ELP1: variants seen among roughly 807,000 people sequenced by gnomAD.
ELP1 encodes the protein elongator complex protein 1.
In ELP1, 131 loss-of-function variants were observed where a neutral mutation model predicts 183.2. That is an observed-to-expected ratio of 0.72 (90% CI 0.62 to 0.83). ELP1 has a LOEUF of 0.83. Ranked by LOEUF, ELP1 falls within the 40% of genes least tolerant of loss-of-function variation. ELP1 has a pLI of 0.00. For missense variants in ELP1, 1,550 were observed against 1,594.9 expected (o/e 0.97, Z 0.48); for synonymous variants, 555 against 569.0 (o/e 0.98, Z 0.35).
chr9:108,877,011 G>A (rs1436786990), intron 35 of ELP1, among the ~76,000 whole-genome samples: 2 of 152,100 alleles, frequency 1.3e-5, no homozygotes, highest in East Asian at 1.9e-4. Flanking sequence ...GATTACAGGC[G>A]TGAGCCACCA....
chr9:108,895,944 C>T (rs1828528441), intron 25 of ELP1, among the ~76,000 whole-genome samples: 1 of 152,178 alleles, frequency 6.6e-6, no homozygotes, highest in South Asian at 2.1e-4. Context: ...CACACATATG[C>T]CCATCATCTT....
intron 36 of ELP1, among the ~76,000 whole-genome samples, chr9:108,873,780 G>A (rs1238583325): frequency 6.6e-6 from 1 of 152,170 alleles, no homozygotes; most frequent in African/African-American, 2.4e-5. Context: ...CAGCACTTTG[G>A]GAGGCCGAGG....
At chr9:108,916,147 G>A in intron 10 of ELP1, 57 bp downstream of exon 10, 1 of 1,279,746 alleles carries the variant, frequency 7.8e-7, no homozygotes, top group Non-Finnish European at 1.1e-6. Context: ...TCCCATACCT[G>A]TCTACTTTCA....
intron 4 of ELP1, among the ~76,000 whole-genome samples, 176 bp downstream of exon 4, chr9:108,927,196 G>A (rs113214557): frequency 2.1e-3 from 324 of 151,940 alleles, no homozygotes; most frequent in African/African-American, 7.5e-3. Flanking sequence ...ATCACTCTAC[G>A]TTTTATATAT....
chr9:108,883,490 T>A (rs2131955007), intron 29 of ELP1, among the ~76,000 whole-genome samples: 1 of 151,886 alleles, frequency 6.6e-6, no homozygotes, highest in Non-Finnish European at 1.5e-5. Context: ...CAGTTTTAGC[T>A]CTTAAATTTT....
chr9:108,878,003 C>T lies in ELP1; in HGVS notation c.3847G>A (p.Ala1283Thr). ...TCTCTGAGAAAACTTACCGGGGTAG[C>T]TGAATTCTGCTGGTAAGTAAGAGTC... is the stretch of plus-strand genomic sequence containing the variant. ...IWTLTYQQNS[A>T]TPVLGPNSTA... The change falls in exon 35 of 37, where the codon GCT becomes ACT. Residue 1283 changes from alanine to threonine, a missense_variant. Ala to Thr is a moderately conservative substitution (Grantham distance 58). Transcript: ENST00000374647. 1 of 1,614,198 alleles carries T rather than the reference C, an allele frequency of 6.2e-7. No individual in the cohort carries two copies. The highest frequency in any genetic ancestry group is 8.5e-7 in the Non-Finnish European group (1 of 1,180,030).
At chr9:108,878,545 C>T in intron 34 of ELP1, 78 bp downstream of exon 34, 2 of 1,579,730 alleles carry the variant, frequency 1.3e-6, no homozygotes, top group Non-Finnish European at 1.7e-6. Flanking sequence ...GCTTAATCAC[C>T]TACTGAACTC....
chr9:108,907,450 TAC>T (rs1049965501), intron 13 of ELP1, among the ~76,000 whole-genome samples: 40 of 152,328 alleles, frequency 2.6e-4, no homozygotes, highest in African/African-American at 8.7e-4. Flanking sequence ...CTCAAAATCA[TAC>T]AGAGGTTGAA....
chr9:108,900,478 TAAC>T, intron 18 of ELP1, 103 bp from the exon 19 acceptor site: 2 of 845,180 alleles, frequency 2.4e-6, no homozygotes, highest in Admixed American at 3.8e-5. Context: ...AGAGAACAAA[TAAC>T]AACCATGTGC....
intron 22 of ELP1, among the ~76,000 whole-genome samples, chr9:108,898,261 T>A (rs1828630996): frequency 6.6e-6 from 1 of 152,226 alleles, no homozygotes; most frequent in Non-Finnish European, 1.5e-5. Flanking sequence ...GTTTTATATG[T>A]ATACCTAAAA....
In ELP1 at chr9:108,880,036, T is replaced by G; in HGVS notation, c.3460+16A>C. Reference sequence around the variant, plus strand: ...CACTGCCCCCGCACGTCGATGGCCTTCACGCAGATACTCACCCAGACCTGC... The same window carrying G: ...CACTGCCCCCGCACGTCGATGGCCTGCACGCAGATACTCACCCAGACCTGC... On this transcript the variant is annotated intron_variant, in intron 32 of 36. Transcript: ENST00000374647. The G allele has an allele frequency of 2.6e-6, 4 of 1,536,610 alleles. No homozygotes were observed. The South Asian group carries it at 4.5e-5, about 17-fold the overall frequency.
At chr9:108,897,107 TC>T in intron 23 of ELP1, 40 bp downstream of exon 23, 1 of 1,614,070 alleles carries the variant, frequency 6.2e-7, no homozygotes, top group African/African-American at 1.3e-5. Flanking sequence ...ACTACACACT[TC>T]GGTTTTTCAA....
At chr9:108,906,702 C>T (rs1433250755) in intron 13 of ELP1, among the ~76,000 whole-genome samples, 1 of 152,050 alleles carries the variant, frequency 6.6e-6, no homozygotes. Flanking sequence ...TTTCTCATAC[C>T]CTGAAATCTT....
intron 8 of ELP1, 129 bp downstream of exon 8, chr9:108,918,682 C>CTTA (rs1043420533): frequency 3.9e-6 from 3 of 763,274 alleles, no homozygotes; most frequent in Non-Finnish European, 7.1e-6. Context: ...TAGATACAGC[C>CTTA]TTATAACCAA....
intron 29 of ELP1, among the ~76,000 whole-genome samples, chr9:108,887,840 C>T (rs1828186337): frequency 1.3e-5 from 2 of 152,184 alleles, no homozygotes; most frequent in Admixed American, 1.3e-4. Context: ...GAAGCACTCT[C>T]ACATATCACT....
chr9:108,900,683 A>G (rs954550340), intron 18 of ELP1, among the ~76,000 whole-genome samples: 1 of 152,204 alleles, frequency 6.6e-6, no homozygotes, highest in African/African-American at 2.4e-5. Flanking sequence ...CTATAATCAT[A>G]TCAATGAAAG....
chr9:108,874,431 C>A (rs893777546), intron 36 of ELP1, among the ~76,000 whole-genome samples: 3 of 152,182 alleles, frequency 2.0e-5, no homozygotes, highest in African/African-American at 4.8e-5. Flanking sequence ...TGCTAATATT[C>A]TTTGGATTTG....
At chr9:108,896,853 T>C (rs2131980877) in intron 24 of ELP1, 100 bp downstream of exon 24, 1 of 1,209,532 alleles carries the variant, frequency 8.3e-7, no homozygotes, top group Non-Finnish European at 1.2e-6. Context: ...AAGTCACATG[T>C]TAAATCTGTG....
intron 28 of ELP1, among the ~76,000 whole-genome samples, chr9:108,889,903 ACCT>A (rs1828258058): frequency 6.6e-6 from 1 of 151,978 alleles, no homozygotes; most frequent in Non-Finnish European, 1.5e-5. Context: ...AGGTAAAATC[ACCT>A]CCACTATTTA....
Sources: allele counts gnomAD v4.1 joint callset (sites outside exome capture counted in the v4.1 genomes callset), GRCh38; gene constraint gnomAD v4.1.1; transcripts MANE v1.5; gene names NCBI Gene and HGNC (gene_info 2026-07-23, HGNC 2026-07-21).